The following DHRS3 variants were observed in gnomAD, a reference collection of about 807,000 sequenced individuals.
DHRS3 encodes dehydrogenase/reductase 3, also known as short-chain dehydrogenase/reductase 3.
Under a neutral mutation model 27.2 loss-of-function variants are expected in DHRS3, and 14 were observed. The ratio of observed to expected loss-of-function variants is 0.52; its 90% CI spans 0.34 to 0.81. The LOEUF (loss-of-function observed/expected upper bound fraction) is 0.81. Ranked by LOEUF, DHRS3 falls within the 30% of genes least tolerant of loss-of-function variation. The pLI is 0.01. For missense variants in DHRS3, 322 were observed against 406.2 expected (o/e 0.79, Z 1.78); for synonymous variants, 165 against 175.9 (o/e 0.94, Z 0.49).
Position 12,586,390 on chromosome 1 carries a change from C to T in DHRS3, c.196-5724G>A, listed in dbSNP as rs1405947094. Reference sequence around the variant, plus strand: ...GTTCCACTCTCCTCACATGCAACCCCACGCCCCGCGTTCATCCCCACCCAG... The same window carrying T: ...GTTCCACTCTCCTCACATGCAACCCTACGCCCCGCGTTCATCCCCACCCAG... On this transcript the variant is annotated intron_variant, in intron 1 of 5. Transcript: ENST00000616661. This position sits in a 1 kb window ranked among gnomAD's most constrained non-coding sequence, Gnocchi z 5.0. Among the ~76,000 whole-genome samples, 1 of 152,214 alleles carries T rather than the reference C, an allele frequency of 6.6e-6. No individual in the cohort carries two copies. Among genetic ancestry groups the T allele is most frequent in the Non-Finnish European group, 1.5e-5 (1 of 68,038 alleles).
At chr1:12,583,619 A>G (rs1454823115) in intron 1 of DHRS3, among the ~76,000 whole-genome samples, 2 of 135,608 alleles carry the variant, frequency 1.5e-5, no homozygotes, top group African/African-American at 2.9e-5. Context: ...CCATCCATCC[A>G]TCCATCCATC....
At chr1:12,611,918 T>C (rs987048773) in intron 1 of DHRS3, among the ~76,000 whole-genome samples, 1 of 147,716 alleles carries the variant, frequency 6.8e-6, no homozygotes, top group Non-Finnish European at 1.5e-5. Flanking sequence ...ATAGGGAGAC[T>C]CCCGTCTCTA....
In DHRS3 at chr1:12,617,385, C is replaced by T. The variant is rs746643934; in HGVS notation, c.-37G>A. ...CGGAGCCGGGCAGGGGGCGAAACTC[C>T]CCGGGCCGAGCAATACAGGAATTAA... On this transcript the variant is annotated 5_prime_UTR_variant, in exon 1 of 6. Transcript: ENST00000616661. 5.7e-5 allele frequency: 91 copies of T among 1,583,130 alleles called. No homozygotes were observed. Among genetic ancestry groups the T allele is most frequent in the Admixed American group, 8.7e-5 (5 of 57,590 alleles).
In DHRS3 at chr1:12,617,466, C is replaced by T. The variant is rs1646952390; in HGVS notation, c.-118G>A. On this transcript the variant is annotated 5_prime_UTR_variant, in exon 1 of 6. Transcript: ENST00000616661. Reference sequence around the variant, plus strand: ...AATAAGGAGGAGAGAGGCGTCCCACCTGGCCACTCTTGAAATCACCTCTTC... The same window carrying T: ...AATAAGGAGGAGAGAGGCGTCCCACTTGGCCACTCTTGAAATCACCTCTTC... 14 of 915,664 alleles carry T rather than the reference C, an allele frequency of 1.5e-5. No homozygotes were observed. In the South Asian group the frequency reaches 2.8e-4, roughly 18 times the overall value. The allele number at this position is 915,664 out of a possible 1,614,324, so 56.7% of individuals were successfully genotyped here.
chr1:12,584,343 G>A (rs564577744), intron 1 of DHRS3, among the ~76,000 whole-genome samples: 12 of 152,216 alleles, frequency 7.9e-5, no homozygotes, highest in East Asian at 5.8e-4. Context: ...ACTGTCTTCC[G>A]TGGGCCAGGA....
intron 1 of DHRS3, among the ~76,000 whole-genome samples, chr1:12,590,933 G>A (rs1646740548): frequency 6.6e-6 from 1 of 151,972 alleles, no homozygotes; most frequent in Non-Finnish European, 1.5e-5. Flanking sequence ...CTTTTTTTCT[G>A]GGAGGCCTGT....
intron 1 of DHRS3, among the ~76,000 whole-genome samples, chr1:12,613,114 T>C (rs1026377107): frequency 2.7e-5 from 4 of 148,954 alleles, no homozygotes; most frequent in Non-Finnish European, 4.4e-5. Context: ...AGGAAGGCCA[T>C]GGGATGATGA....
chr1:12,585,175 CTGAG>C (rs1437026203), intron 1 of DHRS3, among the ~76,000 whole-genome samples: 1 of 42,298 alleles, frequency 2.4e-5, no homozygotes, highest in African/African-American at 8.1e-5. Flanking sequence ...CTGTGGGTGT[CTGAG>C]TGTATGTTTC....
At chr1:12,579,201 G>T in intron 3 of DHRS3, 92 bp downstream of exon 3, 1 of 1,601,888 alleles carries the variant, frequency 6.2e-7, no homozygotes, top group South Asian at 1.1e-5. Flanking sequence ...CTGCTGGCCT[G>T]AGCCCAAGCC....
intron 1 of DHRS3, 57 bp from the exon 2 acceptor site, chr1:12,580,723 C>T: frequency 6.5e-7 from 1 of 1,549,548 alleles, no homozygotes; most frequent in Admixed American, 2.0e-5. Context: ...AGTGATGCAA[C>T]AATTGCCACC....
In DHRS3 at chr1:12,617,036, G is replaced by A. The variant is rs1159376356; in HGVS notation, c.195+118C>T. The A allele has an allele frequency of 5.8e-6, 7 of 1,215,604 alleles. No homozygotes were observed. In the East Asian group the frequency reaches 1.8e-4, roughly 31 times the overall value. The allele number at this position is 1,215,604 out of a possible 1,614,324, so 75.3% of individuals were successfully genotyped here. A position where few individuals can be genotyped will look rare whatever the true frequency, so the allele number is the denominator to read the frequency against. On this transcript the variant is annotated intron_variant, in intron 1 of 5. Transcript: ENST00000616661. ...CTAGCTCAGCACTCGTGGGTGGCGC[G>A]GAGAAGTGGGGTGGCCGGCGACTCT...
At position 12,574,020 on chromosome 1, in the gene DHRS3, A is replaced by C. The variant is rs1026698792; in HGVS notation, c.699-1167T>G. ...AGAGCTTGTGATCCGCTCTGGCACC[A>C]GGAAGATTAAGGGTGATGAATCACC... is the stretch of plus-strand genomic sequence containing the variant. On this transcript the variant is annotated intron_variant, in intron 4 of 5. Coordinates refer to ENST00000616661, the MANE Select transcript of DHRS3 (RefSeq NM_004753.7). The surrounding 1 kb of genome is among the most constrained non-coding windows in gnomAD (Gnocchi z 4.6). 6.6e-6 allele frequency among the ~76,000 whole-genome samples: 1 copy of C among 152,160 alleles called. No homozygotes were observed. The highest frequency in any genetic ancestry group is 2.4e-5 in the African/African-American group (1 of 41,440).
intron 1 of DHRS3, among the ~76,000 whole-genome samples, chr1:12,607,187 G>A (rs182041868): frequency 6.6e-6 from 1 of 152,328 alleles, no homozygotes; most frequent in Admixed American, 6.5e-5. Flanking sequence ...GGACAATTTT[G>A]TGAGGGTTTT....
In DHRS3 at chr1:12,617,520, GAAAAAA is replaced by G. The variant is rs58614555; in HGVS notation, c.-178_-173del. The G allele has an allele frequency of 9.1e-5, 12 of 131,870 alleles. 1 individual carries two copies. The highest frequency in any genetic ancestry group is 4.2e-4 in the East Asian group (3 of 7,164). 8.2% of individuals were successfully genotyped at this position (131,870 alleles called of 1,614,324 possible). On this transcript the variant is annotated 5_prime_UTR_variant, in exon 1 of 6. Coordinates refer to ENST00000616661, the MANE Select transcript of DHRS3 (RefSeq NM_004753.7). Reference sequence around the variant, plus strand: ...AATGCAAAGCACCGGGTGAGAAAAAGAAAAAAAAAAAAAAAAAAAAGATAAATTCTC... The same window carrying G: ...AATGCAAAGCACCGGGTGAGAAAAAGAAAAAAAAAAAAAAGATAAATTCTC...
intron 5 of DHRS3, among the ~76,000 whole-genome samples, chr1:12,571,814 G>T (rs369065035): frequency 2.6e-5 from 4 of 152,098 alleles, no homozygotes; most frequent in Non-Finnish European, 5.9e-5. Flanking sequence ...GATTACAGGC[G>T]TGAGCCACCG....
At chr1:12,616,840 G>A (rs1646947951) in intron 1 of DHRS3, 3 of 555,120 alleles carry the variant, frequency 5.4e-6, no homozygotes, top group African/African-American at 2.1e-5. Flanking sequence ...GGGGAGGGGG[G>A]CACAACACCT....
chr1:12,575,722 T>C (rs1304382861), intron 4 of DHRS3, among the ~76,000 whole-genome samples: 2 of 151,418 alleles, frequency 1.3e-5, no homozygotes, highest in African/African-American at 4.8e-5. Context: ...ATTATTCATT[T>C]TTGAGGTGGG....
Position 12,579,466 on chromosome 1 carries a change from G to A in DHRS3, c.340-54C>T, listed in dbSNP as rs576876648. ...TGAGGGCAGCCAGCCCAGGGCCAAC[G>A]ATATATGTTTTTTGTTTGTTTGTTT... On this transcript the variant is annotated intron_variant, in intron 2 of 5. Transcript: ENST00000616661. The A allele has an allele frequency of 5.5e-5, 87 of 1,590,508 alleles. 1 individual carries two copies. In the African/African-American group the frequency reaches 1.0e-3, roughly 19 times the overall value.
chr1:12,616,496 G>T lies in DHRS3; in HGVS notation c.195+658C>A. 4 of 931,920 alleles carry T rather than the reference G, an allele frequency of 4.3e-6. No individual in the cohort carries two copies. The South Asian group carries it at 1.5e-4, about 35-fold the overall frequency. 57.7% of individuals were successfully genotyped at this position (931,920 alleles called of 1,614,324 possible). On this transcript the variant is annotated intron_variant, in intron 1 of 5. Coordinates refer to ENST00000616661, the MANE Select transcript of DHRS3 (RefSeq NM_004753.7). ...AAATGGGGAGGGATCCCTGGGGGGT[G>T]TACTGGGGGGGAGGGGACAGGGTTG...
Sources: allele counts gnomAD v4.1 joint callset (sites outside exome capture counted in the v4.1 genomes callset), GRCh38; gene constraint gnomAD v4.1.1; non-coding constraint Gnocchi (gnomAD v3.1); transcripts MANE v1.5; gene names NCBI Gene and HGNC (gene_info 2026-07-23, HGNC 2026-07-21).